The following ARHGAP28 variants were observed in gnomAD, a reference collection of about 807,000 sequenced individuals.
ARHGAP28 encodes Rho GTPase activating protein 28, also known as rho GTPase-activating protein 28.
Under a neutral mutation model 90.7 loss-of-function variants are expected in ARHGAP28, and 56 were observed. The observed-to-expected ratio is 0.62, with a 90% CI of 0.50 to 0.77. ARHGAP28 has a LOEUF of 0.77. Among genes scored for constraint, ARHGAP28 ranks in the 30% least tolerant of loss-of-function variants. The probability of loss-of-function intolerance (pLI) is 0.00; values close to 1 mark genes in which losing one functional copy is unlikely to be tolerated. For missense variants in ARHGAP28, 869 were observed against 900.9 expected, an observed-to-expected ratio of 0.96 and a Z score of 0.45; for synonymous variants, 308 against 323.3, an observed-to-expected ratio of 0.95 and a Z score of 0.51.
At chr18:6,764,127 T>G (rs1216640039) in intron 1 of ARHGAP28, among the ~76,000 whole-genome samples, 1 of 152,136 alleles carries the variant, frequency 6.6e-6, no homozygotes, top group Non-Finnish European at 1.5e-5. Flanking sequence ...GGTAATAATT[T>G]CAGTGAAATG....
chr18:6,795,171 T>C (rs1225427064), intron 1 of ARHGAP28, among the ~76,000 whole-genome samples: 4 of 152,184 alleles, frequency 2.6e-5, no homozygotes, highest in East Asian at 3.9e-4. Flanking sequence ...GAGCACTTTC[T>C]CTCTGAGGGA....
chr18:6,745,727 G>T (rs1278862819), intron 1 of ARHGAP28, among the ~76,000 whole-genome samples: 1 of 152,180 alleles, frequency 6.6e-6, no homozygotes, highest in African/African-American at 2.4e-5. Context: ...TATGATTTGT[G>T]TCTGGCTCCT....
At chr18:6,800,489 G>A (rs2056473950) in intron 1 of ARHGAP28, among the ~76,000 whole-genome samples, 1 of 152,310 alleles carries the variant, frequency 6.6e-6, no homozygotes, top group Admixed American at 6.5e-5. Context: ...ACTAGATAAA[G>A]AAAATGTGGC....
chr18:6,826,132 T>TC (rs1555629709), intron 2 of ARHGAP28, among the ~76,000 whole-genome samples: 1 of 145,202 alleles, frequency 6.9e-6, no homozygotes, highest in Non-Finnish European at 1.5e-5. Context: ...TTTTTTTTTT[T>TC]CTGTTTGTTT....
chr18:6,889,831 A>C, intron 12 of ARHGAP28, 57 bp from the exon 13 acceptor site: 1 of 1,509,840 alleles, frequency 6.6e-7, no homozygotes, highest in South Asian at 1.1e-5. Context: ...GAATGATAGC[A>C]ATCAGGGGCA....
intron 4 of ARHGAP28, among the ~76,000 whole-genome samples, chr18:6,853,279 G>C (rs185522781): frequency 1.3e-5 from 2 of 152,112 alleles, no homozygotes; most frequent in African/African-American, 4.8e-5. Context: ...GGAAGAGGGG[G>C]TTGGACATGC....
rs560372526 is a variant in ARHGAP28 at position 6,809,657 on chromosome 18, A to C, written c.123-15105A>C. Among the ~76,000 whole-genome samples, 20 of 152,234 alleles carry C rather than the reference A, an allele frequency of 1.3e-4. No individual in the cohort carries two copies. The South Asian group carries it at 2.3e-3, about 17-fold the overall frequency. On this transcript the variant is annotated intron_variant, in intron 1 of 17. Coordinates refer to ENST00000383472, the MANE Select transcript of ARHGAP28 (RefSeq NM_001366230.1). ...TTTTACAACAACCAGATCTTATTAGAACTCTATCATGAAACATCGCTAGGG... is the reference window on the plus strand; with the variant it reads ...TTTTACAACAACCAGATCTTATTAGCACTCTATCATGAAACATCGCTAGGG...
intron 1 of ARHGAP28, among the ~76,000 whole-genome samples, chr18:6,782,191 C>G (rs1022079685): frequency 2.6e-5 from 4 of 151,972 alleles, no homozygotes; most frequent in African/African-American, 7.3e-5. Context: ...AGAGCATGTC[C>G]TTGGTTTAGG....
intron 1 of ARHGAP28, among the ~76,000 whole-genome samples, chr18:6,762,891 A>G (rs1301941729): frequency 6.6e-6 from 1 of 152,144 alleles, no homozygotes; most frequent in Non-Finnish European, 1.5e-5. Flanking sequence ...CAGCTCAAGC[A>G]GAGTAATATA....
In ARHGAP28 at chr18:6,851,127, G is replaced by A; in HGVS notation, c.636+1G>A. 1 of 1,613,694 alleles carries A rather than the reference G, an allele frequency of 6.2e-7. No homozygotes were observed. Among genetic ancestry groups the A allele is most frequent in the Non-Finnish European group, 8.5e-7 (1 of 1,179,650 alleles). On this transcript the variant is annotated splice_donor_variant, in intron 4 of 17. Coordinates refer to ENST00000383472, the MANE Select transcript of ARHGAP28 (RefSeq NM_001366230.1). LOFTEE classifies it high-confidence loss of function. ...AGTTATCAAGACAAGTGGTTCCATG[G>A]TAAGTTATAGTTGTGGGGGGATGGT...
chr18:6,782,649 C>G, intron 1 of ARHGAP28, among the ~76,000 whole-genome samples: 1 of 117,038 alleles, frequency 8.5e-6, no homozygotes, highest in South Asian at 2.9e-4. Flanking sequence ...GGGGTTTCAC[C>G]ATGTTGACCA....
At chr18:6,734,328 T>C (rs1329912935) in intron 1 of ARHGAP28, among the ~76,000 whole-genome samples, 1 of 152,162 alleles carries the variant, frequency 6.6e-6, no homozygotes. Flanking sequence ...TGAAGTACAA[T>C]GTTTTTTTTG....
intron 3 of ARHGAP28, among the ~76,000 whole-genome samples, chr18:6,842,867 A>C (rs1415407532): frequency 6.6e-6 from 1 of 152,176 alleles, no homozygotes; most frequent in South Asian, 2.1e-4. Context: ...TATACCTACC[A>C]TGTACCCACA....
rs771612953 is a variant in ARHGAP28 at position 6,729,911 on chromosome 18, G to GC, written c.94dup (p.Arg32ProfsTer20). The GC allele has an allele frequency of 7.1e-7, 1 of 1,409,494 alleles. No homozygotes were observed. The highest frequency in any genetic ancestry group is 9.2e-7 in the Non-Finnish European group (1 of 1,083,736). 87.3% of individuals were successfully genotyped at this position (1,409,494 alleles called of 1,614,324 possible). A position where few individuals can be genotyped will look rare whatever the true frequency, so the allele number is the denominator to read the frequency against. On this transcript the variant is annotated frameshift_variant, in exon 1 of 18. Coordinates refer to ENST00000383472, the MANE Select transcript of ARHGAP28 (RefSeq NM_001366230.1). LOFTEE classifies it high-confidence loss of function. ...CCCCCAACGCCGAGTCGCGCTGCGC[G>GC]CCCCGCGCCGCAGCCAGCCACCCGC...
intron 17 of ARHGAP28, 98 bp from the exon 18 acceptor site, chr18:6,911,962 C>A: frequency 1.5e-6 from 1 of 658,148 alleles, no homozygotes; most frequent in Non-Finnish European, 2.4e-6. Context: ...ACTATATTAA[C>A]CTTATTTGAA....
At chr18:6,747,457 A>C (rs757055591) in intron 1 of ARHGAP28, among the ~76,000 whole-genome samples, 1 of 152,194 alleles carries the variant, frequency 6.6e-6, no homozygotes, top group Non-Finnish European at 1.5e-5. Flanking sequence ...GGATTGGCTC[A>C]ACAGACCAGT....
At chr18:6,864,616 A>T (rs1455606800) in intron 5 of ARHGAP28, among the ~76,000 whole-genome samples, 1 of 152,150 alleles carries the variant, frequency 6.6e-6, no homozygotes, top group Admixed American at 6.6e-5. Flanking sequence ...TGTGTGCGTT[A>T]TATCTTAATC....
At chr18:6,762,311 C>G (rs1232257455) in intron 1 of ARHGAP28, among the ~76,000 whole-genome samples, 1 of 152,202 alleles carries the variant, frequency 6.6e-6, no homozygotes, top group Non-Finnish European at 1.5e-5. Flanking sequence ...TTTCATTTCC[C>G]TTAGGGTAAC....
chr18:6,765,142 T>C (rs2056190510), intron 1 of ARHGAP28, among the ~76,000 whole-genome samples: 1 of 152,196 alleles, frequency 6.6e-6, no homozygotes, highest in Admixed American at 6.5e-5. Flanking sequence ...TTTGTACAGA[T>C]GGTTTTGGTA....
Sources: gnomAD v4.1 joint callset for allele counts (sites outside exome capture counted in the v4.1 genomes callset) on GRCh38, gnomAD v4.1.1 for gene constraint, MANE v1.5 for transcripts, NCBI Gene and HGNC (gene_info 2026-07-23, HGNC 2026-07-21) for gene names.